The following ADRA1B variants were observed in gnomAD, a reference collection of about 807,000 sequenced individuals.
ADRA1B encodes alpha-1B adrenergic receptor.
A neutral mutation model predicts 17.9 loss-of-function variants in ADRA1B; 17 were observed. That is an observed-to-expected ratio of 0.95 (90% confidence interval 0.65 to 1.42). ADRA1B has a LOEUF of 1.42. Among genes scored for constraint, ADRA1B ranks in the 40% most tolerant of loss-of-function variants. The pLI is 0.00. For synonymous variants in ADRA1B, 366 were observed against 327.6 expected, an observed-to-expected ratio of 1.12 and a Z score of -1.27; for missense variants, 681 against 722.1, an observed-to-expected ratio of 0.94 and a Z score of 0.65.
At chr5:159,903,629 A>G (rs1754125805) in intron 1 of ADRA1B, among the ~76,000 whole-genome samples, 1 of 151,978 alleles carries the variant, frequency 6.6e-6, no homozygotes, top group African/African-American at 2.4e-5. Flanking sequence ...TATTCTGGCA[A>G]CTCCCGTGGG....
At chr5:159,906,758 T>C (rs1308986406) in intron 1 of ADRA1B, among the ~76,000 whole-genome samples, 1 of 152,202 alleles carries the variant, frequency 6.6e-6, no homozygotes, top group Non-Finnish European at 1.5e-5. Context: ...AGTTTTTGAG[T>C]GGCAACAAAG....
intron 1 of ADRA1B, among the ~76,000 whole-genome samples, chr5:159,923,777 A>G (rs1467750394): frequency 6.6e-6 from 1 of 152,230 alleles, no homozygotes; most frequent in Non-Finnish European, 1.5e-5. Flanking sequence ...CCCATTGTAG[A>G]CCTCTTGCAT....
At chr5:159,882,505 A>C (rs1753873956) in intron 1 of ADRA1B, among the ~76,000 whole-genome samples, 1 of 152,168 alleles carries the variant, frequency 6.6e-6, no homozygotes, top group African/African-American at 2.4e-5. Context: ...AGCTGTGCTG[A>C]CTCCCAGAGC....
At chr5:159,880,919 T>C (rs1753854544) in intron 1 of ADRA1B, among the ~76,000 whole-genome samples, 1 of 152,156 alleles carries the variant, frequency 6.6e-6, no homozygotes, top group Admixed American at 6.5e-5. Context: ...ATCAGTTGAG[T>C]GAATGAAGAG....
At chr5:159,951,987 A>C (rs1172205889) in intron 1 of ADRA1B, among the ~76,000 whole-genome samples, 1 of 152,174 alleles carries the variant, frequency 6.6e-6, no homozygotes, top group African/African-American at 2.4e-5. Context: ...TGGAGATGGC[A>C]AAAGGATGAC....
chr5:159,972,333 C>G lies in ADRA1B; in HGVS notation c.1404C>G (p.His468Gln), dbSNP rs1283756765. 2.1e-6 allele frequency: 3 copies of G among 1,445,582 alleles called. No homozygotes were observed. The highest frequency in any genetic ancestry group is 3.0e-5 in the African/African-American group (2 of 67,286). 89.5% of individuals were successfully genotyped at this position (1,445,582 alleles called of 1,614,324 possible). A position where few individuals can be genotyped will look rare whatever the true frequency, so the allele number is the denominator to read the frequency against. Residue 468 changes from histidine to glutamine, a missense_variant, in exon 2 of 2, where the codon CAC becomes CAG. Transcript: ENST00000306675. Reference sequence around the variant, plus strand: ...AGCCCCCCGGCCGCCGCGGCCGCCACGACTCGGGCCCGCTCTTCACCTTCA... The same window carrying G: ...AGCCCCCCGGCCGCCGCGGCCGCCAGGACTCGGGCCCGCTCTTCACCTTCA... The part of the protein sequence containing the change: ...APEPPGRRGR[H>Q]DSGPLFTFKL...
the ADRA1B span, among the ~76,000 whole-genome samples, chr5:159,978,043 C>G: frequency 2.0e-5 from 3 of 152,124 alleles, no homozygotes; most frequent in Non-Finnish European, 4.4e-5. Context: ...CCCTATTGCC[C>G]TTTCCCACTT....
At chr5:159,929,337 G>C (rs1754739426) in intron 1 of ADRA1B, among the ~76,000 whole-genome samples, 1 of 152,016 alleles carries the variant, frequency 6.6e-6, no homozygotes, top group Non-Finnish European at 1.5e-5. Context: ...TCACAGATCT[G>C]ATTTCTATTG....
At chr5:159,950,796 G>C (rs1755417987) in intron 1 of ADRA1B, 2 of 601,214 alleles carry the variant, frequency 3.3e-6, no homozygotes, top group Non-Finnish European at 6.2e-6. Flanking sequence ...TGGTGATGTG[G>C]ACACAGAAGC....
chr5:159,984,641 T>C, the ADRA1B span, among the ~76,000 whole-genome samples: 1 of 151,830 alleles, frequency 6.6e-6, no homozygotes, highest in East Asian at 1.9e-4. Flanking sequence ...CTCACGCCTG[T>C]AATCCTAGCA....
chr5:159,925,700 A>C (rs745925091), intron 1 of ADRA1B, among the ~76,000 whole-genome samples: 9 of 152,250 alleles, frequency 5.9e-5, no homozygotes, highest in Non-Finnish European at 7.3e-5. Context: ...AAAAGACTGT[A>C]AACCACATAC....
intron 1 of ADRA1B, among the ~76,000 whole-genome samples, chr5:159,932,119 T>A (rs1754824604): frequency 6.6e-6 from 1 of 152,178 alleles, no homozygotes. Flanking sequence ...TCGATGAAAC[T>A]GAGTCTTTTC....
intron 1 of ADRA1B, among the ~76,000 whole-genome samples, chr5:159,872,385 A>G (rs1321760642): frequency 2.0e-5 from 3 of 152,168 alleles, no homozygotes; most frequent in Non-Finnish European, 2.9e-5. Flanking sequence ...CTGATGCAGG[A>G]GCCTGGGAGC....
At chr5:159,887,020 A>AG (rs763661989) in intron 1 of ADRA1B, among the ~76,000 whole-genome samples, 8 of 152,168 alleles carry the variant, frequency 5.3e-5, no homozygotes, top group Non-Finnish European at 7.4e-5. Context: ...TGAAAAATTG[A>AG]GTGGATAGAT....
intron 1 of ADRA1B, among the ~76,000 whole-genome samples, chr5:159,878,901 AAGAC>A (rs1312941708): frequency 2.0e-5 from 3 of 152,160 alleles, no homozygotes. Flanking sequence ...CAGAGTGGAT[AAGAC>A]AGACAGCCTG....
At chr5:159,970,898 G>A (rs1254503275) in intron 1 of ADRA1B, among the ~76,000 whole-genome samples, 1 of 152,132 alleles carries the variant, frequency 6.6e-6, no homozygotes, top group East Asian at 1.9e-4. Flanking sequence ...TTGAACTCTT[G>A]GGCTCAAGGG....
intron 1 of ADRA1B, among the ~76,000 whole-genome samples, chr5:159,923,483 G>A (rs1331282468): frequency 6.6e-6 from 1 of 152,272 alleles, no homozygotes; most frequent in Non-Finnish European, 1.5e-5. Context: ...CGCAAGAGAG[G>A]AAATGTGTTC....
chr5:159,919,936 G>T (rs1459642590), intron 1 of ADRA1B, among the ~76,000 whole-genome samples: 1 of 152,218 alleles, frequency 6.6e-6, no homozygotes, highest in African/African-American at 2.4e-5. Flanking sequence ...TTAGCTCTGT[G>T]GCTCTAGGCT....
intron 1 of ADRA1B, among the ~76,000 whole-genome samples, chr5:159,889,408 A>AT (rs936479879): frequency 1.3e-5 from 2 of 152,058 alleles, no homozygotes; most frequent in African/African-American, 4.8e-5. Context: ...GGCATTTGTA[A>AT]TTTTTTTCTG....
Sources: gnomAD v4.1 joint callset for allele counts (sites outside exome capture counted in the v4.1 genomes callset) on GRCh38, gnomAD v4.1.1 for gene constraint, MANE v1.5 for transcripts, NCBI Gene and HGNC (gene_info 2026-07-23, HGNC 2026-07-21) for gene names.